FHIP1A: variants seen among roughly 807,000 people sequenced by gnomAD.
FHIP1A encodes the protein FHF complex subunit HOOK-interacting protein 1A.
Under a neutral mutation model 88.6 loss-of-function variants are expected in FHIP1A, and 61 were observed. The ratio of observed to expected loss-of-function variants is 0.69; its 90% CI spans 0.56 to 0.85. FHIP1A has a LOEUF of 0.85. Among genes scored for constraint, FHIP1A ranks in the 40% least tolerant of loss-of-function variants. The pLI is 0.00. For missense variants in FHIP1A, 1,154 were observed against 1,273.5 expected, an observed-to-expected ratio of 0.91 and a Z score of 1.43; for synonymous variants, 478 against 496.0, an observed-to-expected ratio of 0.96 and a Z score of 0.48.
At chr4:151,579,783 A>G (rs1042924029) in intron 5 of FHIP1A, among the ~76,000 whole-genome samples, 1 of 152,232 alleles carries the variant, frequency 6.6e-6, no homozygotes, top group Non-Finnish European at 1.5e-5. Context: ...TATGTTTTAA[A>G]AAGTTTTTAT....
chr4:151,570,107 C>T (rs939942526), intron 4 of FHIP1A, among the ~76,000 whole-genome samples: 1 of 152,150 alleles, frequency 6.6e-6, no homozygotes, highest in Non-Finnish European at 1.5e-5. Context: ...CATCTGGCCA[C>T]CTACAGCCCA....
chr4:151,643,394 T>G (rs182208809), intron 9 of FHIP1A, among the ~76,000 whole-genome samples: 4 of 152,352 alleles, frequency 2.6e-5, no homozygotes, highest in Admixed American at 2.0e-4. Context: ...GTGCACTGTG[T>G]AATAATCAAA....
intron 3 of FHIP1A, among the ~76,000 whole-genome samples, chr4:151,559,750 A>G (rs976340263): frequency 6.6e-6 from 1 of 152,194 alleles, no homozygotes; most frequent in Admixed American, 6.5e-5. Context: ...ATTAGTAGCT[A>G]TAGATAGAGA....
chr4:151,469,569 G>T (rs1170879932), intron 2 of FHIP1A, among the ~76,000 whole-genome samples: 2 of 152,124 alleles, frequency 1.3e-5, no homozygotes, highest in African/African-American at 4.8e-5. Flanking sequence ...CGTTCTGGTT[G>T]CTTCCAAATA....
At chr4:151,509,465 A>G (rs990896300) in intron 3 of FHIP1A, among the ~76,000 whole-genome samples, 3 of 152,122 alleles carry the variant, frequency 2.0e-5, no homozygotes, top group African/African-American at 7.2e-5. Flanking sequence ...TTGCCTGGCC[A>G]AGTTCTTTAC....
intron 8 of FHIP1A, among the ~76,000 whole-genome samples, chr4:151,633,921 T>C (rs780515904): frequency 4.0e-5 from 6 of 151,870 alleles, no homozygotes; most frequent in Non-Finnish European, 7.4e-5. Flanking sequence ...TTAGAGGTCC[T>C]AGCCAGAGCA....
intron 2 of FHIP1A, among the ~76,000 whole-genome samples, chr4:151,455,216 A>C (rs1173009801): frequency 6.6e-6 from 1 of 152,232 alleles, no homozygotes; most frequent in Non-Finnish European, 1.5e-5. Context: ...ACTGGTTTGA[A>C]AATTCACAGA....
At chr4:151,419,203 A>G (rs1202832077) in intron 1 of FHIP1A, among the ~76,000 whole-genome samples, 1 of 152,192 alleles carries the variant, frequency 6.6e-6, no homozygotes, top group Non-Finnish European at 1.5e-5. Flanking sequence ...TATTCAGTCT[A>G]TTGAAGGCTT....
intron 2 of FHIP1A, among the ~76,000 whole-genome samples, chr4:151,476,242 A>G (rs1173210548): frequency 1.3e-5 from 2 of 150,016 alleles, no homozygotes; most frequent in Non-Finnish European, 3.0e-5. Flanking sequence ...CCTGGGCTCA[A>G]GCAATGCTCC....
intron 2 of FHIP1A, among the ~76,000 whole-genome samples, chr4:151,471,364 C>G (rs1373588308): frequency 1.3e-5 from 2 of 148,958 alleles, no homozygotes; most frequent in Non-Finnish European, 1.5e-5. Context: ...AAACAGCACT[C>G]TGAATCTCTT....
chr4:151,469,922 G>A (rs1262553924), intron 2 of FHIP1A, among the ~76,000 whole-genome samples: 3 of 152,142 alleles, frequency 2.0e-5, no homozygotes, highest in Non-Finnish European at 4.4e-5. Flanking sequence ...TCAAAGACTA[G>A]TGCCCTTGTA....
At chr4:151,532,136 T>C (rs1239791647) in intron 3 of FHIP1A, among the ~76,000 whole-genome samples, 1 of 152,168 alleles carries the variant, frequency 6.6e-6, no homozygotes, top group African/African-American at 2.4e-5. Context: ...CTATATCGTT[T>C]TTTTGGTTTT....
At chr4:151,642,657 G>A (rs779735274) in intron 9 of FHIP1A, among the ~76,000 whole-genome samples, 1 of 152,026 alleles carries the variant, frequency 6.6e-6, no homozygotes, top group Non-Finnish European at 1.5e-5. Flanking sequence ...TTAGCTCATC[G>A]TACTTCACTG....
intron 3 of FHIP1A, among the ~76,000 whole-genome samples, chr4:151,550,689 G>A (rs994618911): frequency 6.6e-6 from 1 of 152,174 alleles, no homozygotes; most frequent in Non-Finnish European, 1.5e-5. Context: ...CTCTCTAAGT[G>A]TCTTTAATAA....
chr4:151,443,334 T>C (rs907452628), intron 1 of FHIP1A, among the ~76,000 whole-genome samples: 2 of 152,084 alleles, frequency 1.3e-5, no homozygotes, highest in East Asian at 1.9e-4. Context: ...CAACCATTTT[T>C]TGAGGATTGA....
At chr4:151,492,212 C>T (rs1463268116) in intron 3 of FHIP1A, among the ~76,000 whole-genome samples, 2 of 152,140 alleles carry the variant, frequency 1.3e-5, no homozygotes, top group Admixed American at 1.3e-4. Context: ...TTCTTTTCAT[C>T]AGCCCATGGA....
chr4:151,550,376 G>C (rs916879480), intron 3 of FHIP1A, among the ~76,000 whole-genome samples: 1 of 151,956 alleles, frequency 6.6e-6, no homozygotes, highest in Admixed American at 6.6e-5. Context: ...ACCTCCCCCC[G>C]AACCCCTATG....
chr4:151,546,790 A>C (rs1408688286), intron 3 of FHIP1A, among the ~76,000 whole-genome samples: 1 of 152,210 alleles, frequency 6.6e-6, no homozygotes, highest in African/African-American at 2.4e-5. Context: ...AAAGAAGGAG[A>C]ACCATGAGAA....
At position 151,649,533 on chromosome 4, in the gene FHIP1A, A is replaced by G; in HGVS notation, c.1492A>G (p.Ile498Val). 10 of 1,551,686 alleles carry G rather than the reference A, an allele frequency of 6.4e-6. No homozygotes were observed. Among genetic ancestry groups the G allele is most frequent in the Non-Finnish European group, 8.7e-6 (10 of 1,146,982 alleles). Reference protein sequence around the residue: ...CIVEYGKALDISYLQYLWEAH... With the variant: ...CIVEYGKALDVSYLQYLWEAH... ...TGTGGAGTATGGGAAAGCCCTGGAC[A>G]TCAGCTACCTGCAGTACCTGTGGGA... Residue 498 changes from isoleucine (I) to valine (V), a missense_variant, in exon 11 of 14, where the codon ATC (isoleucine) becomes GTC (valine). By Grantham distance (29) the Ile-to-Val change is conservative. Coordinates refer to ENST00000435205, the MANE Select transcript of FHIP1A (RefSeq NM_001109977.3).
Sources: allele counts gnomAD v4.1 joint callset (sites outside exome capture counted in the v4.1 genomes callset), GRCh38; gene constraint gnomAD v4.1.1; transcripts MANE v1.5; gene names NCBI Gene and HGNC (gene_info 2026-07-23, HGNC 2026-07-21).